The following CDK14 variants were observed in gnomAD, a reference collection of about 807,000 sequenced individuals.
CDK14 encodes cyclin-dependent kinase 14.
CDK14 carries 34 observed loss-of-function variants against 60.7 expected under a neutral mutation model. That is an observed-to-expected ratio of 0.56 (90% CI 0.43 to 0.75). CDK14 has a LOEUF of 0.75. Ranked by LOEUF, CDK14 falls within the 30% of genes least tolerant of loss-of-function variation. The pLI is 0.00. For synonymous variants in CDK14, 197 were observed against 203.7 expected (o/e 0.97, Z 0.28); for missense variants, 482 against 564.1 (o/e 0.85, Z 1.47).
chr7:91,004,493 A>C (rs569133061), intron 10 of CDK14, among the ~76,000 whole-genome samples: 5 of 152,340 alleles, frequency 3.3e-5, no homozygotes, highest in African/African-American at 1.2e-4. Context: ...ATTTTCTTTT[A>C]AGCCTAAAGG....
chr7:90,751,133 C>T (rs1803827070), intron 4 of CDK14, among the ~76,000 whole-genome samples: 1 of 151,910 alleles, frequency 6.6e-6, no homozygotes, highest in Non-Finnish European at 1.5e-5. Context: ...CCAGAAAAAT[C>T]CCCTAACCTT....
chr7:90,761,513 A>G (rs1179340242), intron 4 of CDK14, among the ~76,000 whole-genome samples: 1 of 152,162 alleles, frequency 6.6e-6, no homozygotes, highest in Non-Finnish European at 1.5e-5. Context: ...TGTTACTGTC[A>G]TCCTTTTGTT....
At chr7:90,847,498 A>C (rs937197729) in intron 5 of CDK14, among the ~76,000 whole-genome samples, 9 of 152,140 alleles carry the variant, frequency 5.9e-5, no homozygotes, top group Non-Finnish European at 1.3e-4. Flanking sequence ...CCCATACTTT[A>C]TCCCCTGAGC....
chr7:90,649,268 C>CTT (rs1269180587), intron 2 of CDK14, among the ~76,000 whole-genome samples: 1 of 47,588 alleles, frequency 2.1e-5, no homozygotes, highest in Non-Finnish European at 3.9e-5. Context: ...TTCTTTCTTT[C>CTT]TTTCTTTCTT....
At chr7:90,684,523 T>C (rs771034046) in intron 2 of CDK14, among the ~76,000 whole-genome samples, 6 of 152,202 alleles carry the variant, frequency 3.9e-5, no homozygotes, top group Non-Finnish European at 8.8e-5. Flanking sequence ...TCAGTAACAG[T>C]AACATGTTTC....
Position 91,096,083 on chromosome 7 carries a change from A to AC in CDK14, c.1155-16459_1155-16458insC, listed in dbSNP as rs1372422636. Among the ~76,000 whole-genome samples the AC allele has an allele frequency of 4.0e-5, 6 of 150,938 alleles. No individual in the cohort carries two copies. The South Asian group carries it at 8.4e-4, about 21-fold the overall frequency. ...AATTTGCCAAAAAAAAAAAAAAAAA[A>AC]AAAAACAGTTATCTTCTATAATCAT... On this transcript the variant is annotated intron_variant, in intron 12 of 14. Transcript: ENST00000380050.
At chr7:91,100,690 G>C (rs1296551913) in intron 12 of CDK14, among the ~76,000 whole-genome samples, 1 of 152,152 alleles carries the variant, frequency 6.6e-6, no homozygotes, top group Non-Finnish European at 1.5e-5. Context: ...TTAAACATTT[G>C]AAGACATCTC....
chr7:91,172,399 G>A (rs7779721), intron 14 of CDK14, among the ~76,000 whole-genome samples: 53,330 of 152,008 alleles, frequency 0.35, 11,253 homozygotes, highest in Non-Finnish European at 0.49. Flanking sequence ...TTGTCTGGTC[G>A]CCTTAGCTGA....
At chr7:90,949,940 C>T (rs1320481976) in intron 8 of CDK14, among the ~76,000 whole-genome samples, 1 of 152,176 alleles carries the variant, frequency 6.6e-6, no homozygotes, top group Admixed American at 6.5e-5. Flanking sequence ...GGATACACTT[C>T]CTATTAAGTC....
At chr7:90,894,823 T>G (rs1348210604) in intron 6 of CDK14, among the ~76,000 whole-genome samples, 1 of 152,262 alleles carries the variant, frequency 6.6e-6, no homozygotes, top group Non-Finnish European at 1.5e-5. Context: ...TTGTTAACTT[T>G]AGAGGATCAC....
At chr7:90,974,009 T>A (rs1296931253) in intron 9 of CDK14, among the ~76,000 whole-genome samples, 1 of 152,104 alleles carries the variant, frequency 6.6e-6, no homozygotes, top group African/African-American at 2.4e-5. Flanking sequence ...TTTCAGTCCT[T>A]ATCTCAACCT....
intron 12 of CDK14, among the ~76,000 whole-genome samples, chr7:91,084,849 G>A (rs888111823): frequency 4.6e-5 from 7 of 152,150 alleles, no homozygotes; most frequent in East Asian, 1.9e-4. Context: ...GCACGCTTAC[G>A]ATGCGGCTAA....
chr7:91,037,143 C>T (rs1796954967), intron 10 of CDK14, among the ~76,000 whole-genome samples: 1 of 152,224 alleles, frequency 6.6e-6, no homozygotes, highest in African/African-American at 2.4e-5. Flanking sequence ...AATCTAAGTA[C>T]TGGACTTTAT....
chr7:91,082,503 T>A lies in CDK14; in HGVS notation c.1154+3023T>A, dbSNP rs575416799. Among the ~76,000 whole-genome samples, 18 of 152,306 alleles carry A rather than the reference T, an allele frequency of 1.2e-4. 1 individual carries two copies. Among genetic ancestry groups the A allele is most frequent in the Admixed American group, 3.3e-4 (5 of 15,294 alleles). On this transcript the variant is annotated intron_variant, in intron 12 of 14. Transcript: ENST00000380050. ...ATTTCTCCTAAGAACTTATAAAAAT[T>A]GGTATTCTAAATTGTGTAGTAAATA... is the stretch of plus-strand genomic sequence containing the variant.
chr7:90,918,556 A>G (rs994183000), intron 8 of CDK14, among the ~76,000 whole-genome samples: 13 of 152,206 alleles, frequency 8.5e-5, no homozygotes, highest in African/African-American at 3.1e-4. Context: ...TGTTGAGTTG[A>G]TTCTGAGCAC....
chr7:90,604,764 A>G (rs1799382734), intron 2 of CDK14, among the ~76,000 whole-genome samples: 2 of 152,252 alleles, frequency 1.3e-5, no homozygotes. Context: ...GTAGTGTAAA[A>G]TACTGTTCAA....
At chr7:90,995,866 C>A (rs1260608141) in intron 10 of CDK14, among the ~76,000 whole-genome samples, 2 of 152,182 alleles carry the variant, frequency 1.3e-5, no homozygotes, top group East Asian at 3.9e-4. Flanking sequence ...TGGGACATCC[C>A]TCTGTAGTAA....
rs1200850706 is a variant in CDK14 at position 91,207,658 on chromosome 7, C to G, written c.*522C>G. 2 of 152,672 alleles carry G rather than the reference C, an allele frequency of 1.3e-5. No homozygotes were observed. Among genetic ancestry groups the G allele is most frequent in the Admixed American group, 1.3e-4 (2 of 15,284 alleles). 9.5% of individuals were successfully genotyped at this position (152,672 alleles called of 1,614,324 possible). Reference sequence around the variant, plus strand: ...TTTTCTGCTAAAGCAAACCCCTGTTCTCTGACTTGACAACTTGGCCCCGGA... The same window carrying G: ...TTTTCTGCTAAAGCAAACCCCTGTTGTCTGACTTGACAACTTGGCCCCGGA... On this transcript the variant is annotated 3_prime_UTR_variant, in exon 15 of 15. Coordinates refer to ENST00000380050, the MANE Select transcript of CDK14 (RefSeq NM_001287135.2).
chr7:90,763,198 C>T (rs919622278), intron 4 of CDK14, among the ~76,000 whole-genome samples: 1 of 152,086 alleles, frequency 6.6e-6, no homozygotes, highest in Non-Finnish European at 1.5e-5. Context: ...TGGACAAATC[C>T]ACTATGGTGG....
Sources: gnomAD v4.1 joint callset for allele counts (sites outside exome capture counted in the v4.1 genomes callset) on GRCh38, gnomAD v4.1.1 for gene constraint, MANE v1.5 for transcripts, NCBI Gene and HGNC (gene_info 2026-07-23, HGNC 2026-07-21) for gene names.